THNSL1: variants seen among roughly 807,000 people sequenced by gnomAD.
THNSL1 encodes the protein threonine synthase like 1.
A neutral mutation model predicts 50.4 loss-of-function variants in THNSL1; 48 were observed. That is an observed-to-expected ratio of 0.95 (90% CI 0.76 to 1.21). THNSL1 has a LOEUF of 1.21. Ranked by LOEUF, THNSL1 falls within the 50% of genes most tolerant of loss-of-function variation. THNSL1 has a pLI of 0.00. For synonymous variants in THNSL1, 309 were observed against 306.1 expected (o/e 1.01, Z -0.10); for missense variants, 896 against 871.7 (o/e 1.03, Z -0.35).
chr10:24,957,633 A>G, the THNSL1 span, among the ~76,000 whole-genome samples: 1 of 152,044 alleles, frequency 6.6e-6, no homozygotes, highest in African/African-American at 2.4e-5. Flanking sequence ...GGCGCCCACC[A>G]CCACGCCCGG....
chr10:24,999,113 T>C, the THNSL1 span, among the ~76,000 whole-genome samples: 1 of 152,208 alleles, frequency 6.6e-6, no homozygotes, highest in East Asian at 1.9e-4. Flanking sequence ...TTTCCTATAA[T>C]TGTTGTTTAT....
At chr10:24,979,872 C>A in the THNSL1 span, among the ~76,000 whole-genome samples, 2 of 152,200 alleles carry the variant, frequency 1.3e-5, no homozygotes, top group South Asian at 4.1e-4. Flanking sequence ...CAGAAAATGG[C>A]GGCCCCGCCC....
At chr10:24,967,890 GTA>G in the THNSL1 span, among the ~76,000 whole-genome samples, 3 of 151,542 alleles carry the variant, frequency 2.0e-5, no homozygotes, top group South Asian at 4.2e-4. Context: ...TTTTGTGTGT[GTA>G]TGTGTGTATG....
At chr10:24,991,626 A>G in the THNSL1 span, among the ~76,000 whole-genome samples, 1 of 152,144 alleles carries the variant, frequency 6.6e-6, no homozygotes, top group Non-Finnish European at 1.5e-5. Flanking sequence ...GGCTCCAGGG[A>G]AAAACCATCT....
At position 25,024,976 on chromosome 10, in the gene THNSL1, C is replaced by T; in HGVS notation, c.1753C>T (p.Gln585Ter). The T allele has an allele frequency of 1.9e-6, 3 of 1,614,130 alleles. No homozygotes were observed. The highest frequency in any genetic ancestry group is 2.5e-6 in the Non-Finnish European group (3 of 1,180,024). Reference sequence around the variant, plus strand: ...ACACTTGATGGCTAATAAAGATGGACAGCTAATGACAGAATTATTTAATCG... The same window carrying T: ...ACACTTGATGGCTAATAAAGATGGATAGCTAATGACAGAATTATTTAATCG... ...HLHLMANKDG[Q>*]LMTELFNRLE... Residue 585 changes from glutamine (Q) to a stop codon, truncating the protein, a stop_gained, in exon 3 of 3, where the codon CAG becomes TAG. Coordinates refer to ENST00000376356, the MANE Select transcript of THNSL1 (RefSeq NM_024838.5). LOFTEE classifies it high-confidence loss of function.
chr10:24,994,069 T>C, the THNSL1 span, among the ~76,000 whole-genome samples: 1 of 152,182 alleles, frequency 6.6e-6, no homozygotes, highest in South Asian at 2.1e-4. Flanking sequence ...TGGGAACTCC[T>C]AGATTCCTGA....
At chr10:24,998,993 C>T in the THNSL1 span, among the ~76,000 whole-genome samples, 4 of 152,288 alleles carry the variant, frequency 2.6e-5, no homozygotes, top group South Asian at 2.1e-4. Flanking sequence ...GTTGCTTCAA[C>T]AACTGGTAGT....
At chr10:24,998,646 A>G in the THNSL1 span, among the ~76,000 whole-genome samples, 3 of 151,940 alleles carry the variant, frequency 2.0e-5, no homozygotes, top group Non-Finnish European at 4.4e-5. Flanking sequence ...TACTTGGGCT[A>G]TGAAGAAATT....
At chr10:25,013,362 C>A (rs1850494426), upstream of THNSL1, among the ~76,000 whole-genome samples, 1 of 152,122 alleles carries the variant, frequency 6.6e-6, no homozygotes, top group Admixed American at 6.5e-5. Flanking sequence ...AAAACTATCT[C>A]CATAGATTAA....
chr10:24,957,044 A>T, the THNSL1 span, among the ~76,000 whole-genome samples: 1 of 152,180 alleles, frequency 6.6e-6, no homozygotes, highest in African/African-American at 2.4e-5. Context: ...TGCACAAAAC[A>T]GGTCTTTGGT....
the THNSL1 span, chr10:24,952,535 C>A: frequency 6.3e-7 from 1 of 1,589,288 alleles, no homozygotes; most frequent in Non-Finnish European, 8.6e-7. The surrounding 1 kb of genome is among the most constrained non-coding windows in gnomAD (Gnocchi z 5.1). Flanking sequence ...TACCACGACG[C>A]CTCGCCCGTA....
chr10:25,023,711 G>T lies in THNSL1; in HGVS notation c.488G>T (p.Cys163Phe). The T allele has an allele frequency of 1.9e-6, 3 of 1,613,872 alleles. No homozygotes were observed. Among genetic ancestry groups the T allele is most frequent in the East Asian group, 4.5e-5 (2 of 44,876 alleles). Residue 163 changes from cysteine to phenylalanine, a missense_variant, in exon 3 of 3, where the codon TGT becomes TTT. Transcript: ENST00000376356. ...GATGTACCTCTACTAGATCTAATTT[G>T]TCGTCTAAAATTAATGAAGACAGAT... Reference protein sequence around the residue: ...YLDVPLLDLICRLKLMKTDRI... With the variant: ...YLDVPLLDLIFRLKLMKTDRI...
chr10:24,974,598 G>T, the THNSL1 span, among the ~76,000 whole-genome samples: 5 of 152,128 alleles, frequency 3.3e-5, no homozygotes, highest in African/African-American at 1.2e-4. Context: ...AAGGCATTTG[G>T]CTTATATTTT....
chr10:24,998,842 C>G, the THNSL1 span, among the ~76,000 whole-genome samples: 2 of 152,150 alleles, frequency 1.3e-5, no homozygotes, highest in African/African-American at 4.8e-5. Flanking sequence ...AGCAAGAGCA[C>G]AGCATTAAAA....
the THNSL1 span, among the ~76,000 whole-genome samples, chr10:24,993,323 C>A: frequency 2.6e-5 from 4 of 152,134 alleles, no homozygotes; most frequent in African/African-American, 7.2e-5. Context: ...TTAGGTGTCA[C>A]ATTTTGTGTC....
chr10:24,997,010 C>A, the THNSL1 span, among the ~76,000 whole-genome samples: 27 of 152,128 alleles, frequency 1.8e-4, no homozygotes, highest in Admixed American at 1.8e-3. Flanking sequence ...CGTAAAGATA[C>A]AGAGAAAAGA....
the THNSL1 span, among the ~76,000 whole-genome samples, chr10:24,978,997 T>C: frequency 6.6e-6 from 1 of 152,202 alleles, no homozygotes; most frequent in Non-Finnish European, 1.5e-5. Context: ...AGAAAGAAAC[T>C]AATCCTCCAG....
the THNSL1 span, among the ~76,000 whole-genome samples, chr10:24,979,876 C>T: frequency 6.6e-6 from 1 of 152,116 alleles, no homozygotes; most frequent in Non-Finnish European, 1.5e-5. Context: ...AAATGGCGGC[C>T]CCGCCCCCGC....
the THNSL1 span, among the ~76,000 whole-genome samples, chr10:24,974,133 A>G: frequency 6.6e-6 from 1 of 152,314 alleles, no homozygotes; most frequent in East Asian, 1.9e-4. Flanking sequence ...ATAGGAGAGC[A>G]GAAGTTCAAT....
Sources: allele counts gnomAD v4.1 joint callset (sites outside exome capture counted in the v4.1 genomes callset), GRCh38; gene constraint gnomAD v4.1.1; non-coding constraint Gnocchi (gnomAD v3.1); transcripts MANE v1.5; gene names NCBI Gene and HGNC (gene_info 2026-07-23, HGNC 2026-07-21).